Variants in TRPM8 observed in about 807,000 individuals in gnomAD.
The protein encoded by TRPM8 is transient receptor potential cation channel subfamily M member 8.
In TRPM8, 110 loss-of-function variants were observed where a neutral mutation model predicts 133.7. That is an observed-to-expected ratio of 0.82 (90% confidence interval 0.70 to 0.96). TRPM8 has a LOEUF of 0.96. Among genes scored for constraint, TRPM8 ranks in the 40% least tolerant of loss-of-function variants. The probability of loss-of-function intolerance (pLI) is 0.00; values close to 1 mark genes in which losing one functional copy is unlikely to be tolerated. For synonymous variants in TRPM8, 535 were observed against 532.3 expected, an observed-to-expected ratio of 1.01 and a Z score of -0.07; for missense variants, 1,291 against 1,379.5, an observed-to-expected ratio of 0.94 and a Z score of 1.02.
At chr2:233,976,909 A>C (rs1691886033) in intron 17 of TRPM8, among the ~76,000 whole-genome samples, 8 of 152,160 alleles carry the variant, frequency 5.3e-5, no homozygotes, top group Admixed American at 5.2e-4. Flanking sequence ...TGCATTTGAC[A>C]TCCTAAATGG....
intron 5 of TRPM8, among the ~76,000 whole-genome samples, chr2:233,940,443 C>G (rs79920738): frequency 1.3e-5 from 2 of 152,198 alleles, no homozygotes; most frequent in Non-Finnish European, 2.9e-5. Context: ...ATCCTGAATA[C>G]ACCTTATTCG....
rs145289688 is a variant in TRPM8 at position 233,960,789 on chromosome 2, A to G, written c.1376A>G (p.Gln459Arg). 4.3e-6 allele frequency: 7 copies of G among 1,614,026 alleles called. No homozygotes were observed. The highest frequency in any genetic ancestry group is 5.9e-6 in the Non-Finnish European group (7 of 1,179,928). Residue 459 changes from glutamine to arginine, a missense_variant, in exon 12 of 26, where the codon CAA (glutamine) becomes CGA (arginine). Physicochemically the swap from Gln to Arg is conservative, Grantham distance 43. Around this residue, in one of 2 missense-constraint regions of TRPM8, gnomAD observed 963 missense variants for 968.9 expected, o/e 0.99. Transcript: ENST00000324695. ...CTTTCTCCTTAGTCTGCTGACCTTC[A>G]AGAAGTCATGTTTACGGCTCTCATA... is the stretch of plus-strand genomic sequence containing the variant. Reference protein sequence around the residue: ...NDRRWESADLQEVMFTALIKD... With the variant: ...NDRRWESADLREVMFTALIKD...
Position 234,017,579 on chromosome 2 carries a change from C to T in TRPM8, c.*323C>T, listed in dbSNP as rs199693433. 7.7e-5 allele frequency: 23 copies of T among 297,942 alleles called. No homozygotes were observed. Among genetic ancestry groups the T allele is most frequent in the Non-Finnish European group, 1.3e-4 (19 of 151,600 alleles). 18.5% of individuals were successfully genotyped at this position (297,942 alleles called of 1,614,324 possible). The stretch of plus-strand genomic sequence containing the variant: ...CTTACCGCCTCCTTTTTCCTTTAAT[C>T]TTATTTTTGATGAACACATATATAG... On this transcript the variant is annotated 3_prime_UTR_variant, in exon 26 of 26. Coordinates refer to ENST00000324695, the MANE Select transcript of TRPM8 (RefSeq NM_024080.5).
intron 13 of TRPM8, among the ~76,000 whole-genome samples, chr2:233,963,838 T>C (rs1008721136): frequency 6.6e-6 from 1 of 152,192 alleles, no homozygotes; most frequent in Non-Finnish European, 1.5e-5. Flanking sequence ...ATATTGAATA[T>C]TGAATTCACA....
In TRPM8 at chr2:233,943,067, C is replaced by CTTTTTTTTTT. The variant is rs67315288; in HGVS notation, c.699+330_699+339dup. The CTTTTTTTTTT allele has an allele frequency of 1.4e-3, 258 of 178,506 alleles. 7 individuals carry two copies. The East Asian group carries it at 0.017, about 12-fold the overall frequency. 11.1% of individuals were successfully genotyped at this position (178,506 alleles called of 1,614,324 possible). A position where few individuals can be genotyped will look rare whatever the true frequency, so the allele number is the denominator to read the frequency against. On this transcript the variant is annotated intron_variant, in intron 6 of 25. Transcript: ENST00000324695. ...GCGGGCTCAAAGCCAACTGCAGTAT[C>CTTTTTTTTTT]TTTTTTTTTTTTTTTTTTTTACACC...
intron 23 of TRPM8, among the ~76,000 whole-genome samples, chr2:234,007,586 G>T (rs146769769): frequency 6.6e-6 from 1 of 152,180 alleles, no homozygotes; most frequent in African/African-American, 2.4e-5. Context: ...AAATGTTAAC[G>T]TTCTTCACTG....
intron 17 of TRPM8, among the ~76,000 whole-genome samples, chr2:233,970,926 C>T (rs1460767322): frequency 1.3e-5 from 2 of 152,126 alleles, no homozygotes; most frequent in African/African-American, 4.8e-5. Flanking sequence ...TTCTTGGGAC[C>T]TTCATTTTTT....
chr2:233,961,448 G>T (rs1691434647), intron 12 of TRPM8, among the ~76,000 whole-genome samples: 1 of 152,048 alleles, frequency 6.6e-6, no homozygotes. Context: ...TGGGACTACA[G>T]GCACCTGCCA....
At chr2:234,004,143 TG>T (rs1468100886) in intron 22 of TRPM8, among the ~76,000 whole-genome samples, 1 of 152,210 alleles carries the variant, frequency 6.6e-6, no homozygotes, top group African/African-American at 2.4e-5. Context: ...AGTGGGCCCC[TG>T]GGAGAGTGGC....
intron 12 of TRPM8, among the ~76,000 whole-genome samples, chr2:233,962,003 A>G (rs1350158876): frequency 6.6e-6 from 1 of 152,198 alleles, no homozygotes; most frequent in Non-Finnish European, 1.5e-5. Flanking sequence ...GGGCAAACAA[A>G]TAGCTGCATG....
chr2:234,000,864 G>A (rs1158648076), intron 22 of TRPM8, among the ~76,000 whole-genome samples: 1 of 152,020 alleles, frequency 6.6e-6, no homozygotes, highest in Non-Finnish European at 1.5e-5. Context: ...TTTTTAGTAG[G>A]GACAGGTTTC....
chr2:233,959,085 G>T (rs1691365381), intron 11 of TRPM8, among the ~76,000 whole-genome samples: 1 of 152,182 alleles, frequency 6.6e-6, no homozygotes, highest in Non-Finnish European at 1.5e-5. Context: ...GAGTGCAATG[G>T]CATGATCTCA....
chr2:233,956,805 C>T (rs1280531591), intron 11 of TRPM8, among the ~76,000 whole-genome samples: 1 of 152,158 alleles, frequency 6.6e-6, no homozygotes, highest in African/African-American at 2.4e-5. Context: ...ACAATGAACC[C>T]CGCTGCACAT....
chr2:233,980,869 G>A (rs577329910), intron 18 of TRPM8, among the ~76,000 whole-genome samples: 1 of 152,048 alleles, frequency 6.6e-6, no homozygotes, highest in African/African-American at 2.4e-5. Context: ...GGTTTGCATT[G>A]CCTAGCCTGC....
At chr2:233,932,825 G>A (rs1409115675) in intron 3 of TRPM8, among the ~76,000 whole-genome samples, 1 of 151,214 alleles carries the variant, frequency 6.6e-6, no homozygotes, top group Non-Finnish European at 1.5e-5. Flanking sequence ...ATCACTCCAT[G>A]TAATCTAAGT....
At position 233,945,849 on chromosome 2, in the gene TRPM8, T is replaced by C. The variant is rs1487842916; in HGVS notation, c.700-7T>C. 1 of 1,606,460 alleles carries C rather than the reference T, an allele frequency of 6.2e-7. No homozygotes were observed. Among genetic ancestry groups the C allele is most frequent in the Non-Finnish European group, 8.5e-7 (1 of 1,173,904 alleles). On this transcript the variant is annotated splice_region_variant and splice_polypyrimidine_tract_variant and intron_variant, in intron 6 of 25. Transcript: ENST00000324695. ...ATCTCAAAGACAAGTTTCCCTGTACTTTTCAGGGCTATTTTTTAGCCCAGT... is the reference window on the plus strand; with the variant it reads ...ATCTCAAAGACAAGTTTCCCTGTACCTTTCAGGGCTATTTTTTAGCCCAGT...
intron 22 of TRPM8, among the ~76,000 whole-genome samples, chr2:233,998,849 T>A (rs978764493): frequency 2.0e-5 from 3 of 152,204 alleles, no homozygotes; most frequent in African/African-American, 7.2e-5. Flanking sequence ...ACTATCCCAA[T>A]TGTAACATGG....
In TRPM8 at chr2:233,963,343, A is replaced by C. The variant is rs201960730; in HGVS notation, c.1715A>C (p.Asn572Thr). ...CTCTTCATCTGGGCCATTCTTCAGA[A>C]TAAGAAGGAACTCTCCAAAGTCATT... ...QALFIWAILQ[N>T]KKELSKVIWE... Residue 572 changes from asparagine to threonine, a missense_variant, in exon 13 of 26, where the codon AAT (asparagine) becomes ACT (threonine). By Grantham distance (65) the Asn-to-Thr change is moderately conservative. Transcript: ENST00000324695. 6.9e-5 allele frequency: 112 copies of C among 1,613,432 alleles called. No homozygotes were observed. The East Asian group carries it at 2.3e-3, about 34-fold the overall frequency.
intron 14 of TRPM8, among the ~76,000 whole-genome samples, chr2:233,965,324 T>C (rs1691540832): frequency 1.3e-5 from 2 of 152,160 alleles, no homozygotes; most frequent in African/African-American, 4.8e-5. Flanking sequence ...CATGCTGAGC[T>C]TCTATCAGGG....
Sources: allele counts gnomAD v4.1 joint callset (sites outside exome capture counted in the v4.1 genomes callset), GRCh38; gene constraint gnomAD v4.1.1; regional missense constraint gnomAD v4.1.1; transcripts MANE v1.5; gene names NCBI Gene and HGNC (gene_info 2026-07-23, HGNC 2026-07-21).